The following PRDM5 variants were observed in gnomAD, a reference collection of about 807,000 sequenced individuals.
PRDM5 encodes the protein PR domain zinc finger protein 5.
Under a neutral mutation model 81.2 loss-of-function variants are expected in PRDM5, and 56 were observed. The observed-to-expected ratio is 0.69, with a 90% CI of 0.56 to 0.86. The LOEUF is 0.86. Ranked by LOEUF, PRDM5 falls within the 40% of genes least tolerant of loss-of-function variation. The probability of loss-of-function intolerance (pLI) is 0.00; values close to 1 mark genes in which losing one functional copy is unlikely to be tolerated. For missense variants in PRDM5, 697 were observed against 770.1 expected (o/e 0.91, Z 1.12); for synonymous variants, 267 against 256.4 (o/e 1.04, Z -0.39).
intron 14 of PRDM5, among the ~76,000 whole-genome samples, chr4:120,716,484 C>T (rs1320637052): frequency 6.6e-6 from 1 of 152,126 alleles, no homozygotes; most frequent in Non-Finnish European, 1.5e-5. Context: ...GAAGGCCCCA[C>T]GAGCATACTT....
At chr4:120,725,728 A>G (rs1739298724) in intron 14 of PRDM5, among the ~76,000 whole-genome samples, 1 of 152,100 alleles carries the variant, frequency 6.6e-6, no homozygotes. Context: ...CCGTTTCTAT[A>G]TTAAACAGCA....
At chr4:120,701,971 A>G (rs1299688181) in intron 15 of PRDM5, among the ~76,000 whole-genome samples, 1 of 152,154 alleles carries the variant, frequency 6.6e-6, no homozygotes, top group Non-Finnish European at 1.5e-5. Flanking sequence ...CCTCAAATAG[A>G]GGTGGTACAA....
chr4:120,737,563 C>T (rs1056839525), intron 14 of PRDM5, among the ~76,000 whole-genome samples: 5 of 152,282 alleles, frequency 3.3e-5, no homozygotes, highest in African/African-American at 1.2e-4. Context: ...TCCGTCTTTC[C>T]TGACAGACAC....
intron 2 of PRDM5, among the ~76,000 whole-genome samples, chr4:120,881,036 A>G (rs1272204634): frequency 1.3e-5 from 2 of 152,192 alleles, no homozygotes; most frequent in African/African-American, 2.4e-5. Context: ...ACACTGTACT[A>G]TAATTAAAAT....
chr4:120,803,054 A>T (rs536219029), intron 8 of PRDM5, among the ~76,000 whole-genome samples: 1 of 152,348 alleles, frequency 6.6e-6, no homozygotes, highest in East Asian at 1.9e-4. Flanking sequence ...GAACTACATG[A>T]CAAATGCACA....
chr4:120,854,486 G>A (rs1268811416), intron 2 of PRDM5, among the ~76,000 whole-genome samples: 1 of 152,060 alleles, frequency 6.6e-6, no homozygotes, highest in Admixed American at 6.6e-5. Context: ...AAGAATTCTA[G>A]ATTTCCAAAA....
intron 2 of PRDM5, among the ~76,000 whole-genome samples, chr4:120,883,414 A>G (rs905250697): frequency 6.6e-6 from 1 of 152,152 alleles, no homozygotes; most frequent in Non-Finnish European, 1.5e-5. Context: ...CTAAAAACTG[A>G]TATCAATCCA....
chr4:120,800,113 A>G (rs1436241150), intron 8 of PRDM5, among the ~76,000 whole-genome samples: 1 of 152,220 alleles, frequency 6.6e-6, no homozygotes, highest in Non-Finnish European at 1.5e-5. Flanking sequence ...TTCCCTTTAC[A>G]GTAGCCAACA....
At chr4:120,886,947 CTTT>C (rs34889092) in intron 2 of PRDM5, among the ~76,000 whole-genome samples, 3 of 142,652 alleles carry the variant, frequency 2.1e-5, no homozygotes, top group Admixed American at 7.0e-5. Flanking sequence ...TCTTCTCTTT[CTTT>C]TTTTTTTTTT....
chr4:120,805,052 A>T (rs906835397), intron 8 of PRDM5, among the ~76,000 whole-genome samples: 1 of 152,346 alleles, frequency 6.6e-6, no homozygotes, highest in East Asian at 1.9e-4. Flanking sequence ...ACGAACTACC[A>T]TCAGATAATA....
At position 120,922,530 on chromosome 4, in the gene PRDM5, G is replaced by A. The variant is rs373822101; in HGVS notation, c.79C>T (p.Arg27Cys). ...GGGTCACCCACCTTTCGCACTCTGCGGGCCGTGTAGAGCCCCATGCCGTCC... is the reference window on the plus strand; with the variant it reads ...GGGTCACCCACCTTTCGCACTCTGCAGGCCGTGTAGAGCCCCATGCCGTCC... ...VQDGMGLYTARRVRKGEKFGP... is the reference protein window; with the variant it reads ...VQDGMGLYTACRVRKGEKFGP... The change falls in exon 1 of 16, where the codon CGC becomes TGC. Residue 27 changes from arginine to cysteine, a missense_variant. Around this residue, in one of 3 missense-constraint regions of PRDM5, gnomAD observed 577 missense variants for 606.7 expected, o/e 0.95. Transcript: ENST00000264808. 2 of 1,606,808 alleles carry A rather than the reference G, an allele frequency of 1.2e-6. No individual in the cohort carries two copies. The highest frequency in any genetic ancestry group is 1.3e-5 in the African/African-American group (1 of 74,392).
At chr4:120,750,718 ACG>A (rs58170908) in intron 14 of PRDM5, among the ~76,000 whole-genome samples, 2 of 149,910 alleles carry the variant, frequency 1.3e-5, no homozygotes, top group Non-Finnish European at 3.0e-5. Context: ...ACACACACAC[ACG>A]CGCACACAAA....
At position 120,907,487 on chromosome 4, in the gene PRDM5, C is replaced by T. The variant is rs147410661; in HGVS notation, c.164G>A (p.Arg55Lys). ...PEDLDENMDYRLMWEVRGSKG... is the reference protein window; with the variant it reads ...PEDLDENMDYKLMWEVRGSKG... ...TCATATCCTCACCTCCCACATCAAC[C>T]TGTAATCCATATTTTCATCCAAGTC... The change falls in exon 2 of 16, where the codon AGG becomes AAG. Residue 55 changes from arginine (R) to lysine (K), a missense_variant. Around this residue, in one of 3 missense-constraint regions of PRDM5, gnomAD observed 577 missense variants for 606.7 expected, o/e 0.95. Coordinates refer to ENST00000264808, the MANE Select transcript of PRDM5 (RefSeq NM_018699.4). 6.2e-7 allele frequency: 1 copy of T among 1,609,040 alleles called. No individual in the cohort carries two copies. Among genetic ancestry groups the T allele is most frequent in the Non-Finnish European group, 8.5e-7 (1 of 1,175,470 alleles).
At chr4:120,770,017 T>C (rs923082863) in intron 13 of PRDM5, among the ~76,000 whole-genome samples, 2 of 123,700 alleles carry the variant, frequency 1.6e-5, no homozygotes, top group African/African-American at 6.4e-5. Context: ...TATTTATTTA[T>C]TTATTTGTTT....
intron 14 of PRDM5, among the ~76,000 whole-genome samples, chr4:120,736,438 GGC>G (rs1741143307): frequency 6.6e-6 from 1 of 152,084 alleles, no homozygotes; most frequent in Admixed American, 6.5e-5. Context: ...TGCTGGTAGT[GGC>G]CAGTAACCAG....
intron 14 of PRDM5, among the ~76,000 whole-genome samples, chr4:120,739,897 T>G (rs1741664030): frequency 6.6e-6 from 1 of 152,066 alleles, no homozygotes; most frequent in Non-Finnish European, 1.5e-5. Context: ...CTCTGCCAAG[T>G]GGGTTGATGA....
At chr4:120,876,878 G>A (rs535752104) in intron 2 of PRDM5, among the ~76,000 whole-genome samples, 15 of 152,152 alleles carry the variant, frequency 9.9e-5, no homozygotes, top group Non-Finnish European at 1.0e-4. Flanking sequence ...GTAAAATACT[G>A]ACAAAAATTT....
chr4:120,883,790 T>G (rs1763106589), intron 2 of PRDM5, among the ~76,000 whole-genome samples: 1 of 152,190 alleles, frequency 6.6e-6, no homozygotes, highest in Admixed American at 6.5e-5. Context: ...AGAAGATTAC[T>G]TAGAGAATCA....
intron 4 of PRDM5, among the ~76,000 whole-genome samples, chr4:120,819,002 C>T (rs966825935): frequency 6.6e-6 from 1 of 152,138 alleles, no homozygotes; most frequent in Admixed American, 6.6e-5. Flanking sequence ...TTATGCTACA[C>T]GGTCCCATAT....
Sources: gnomAD v4.1 joint callset for allele counts (sites outside exome capture counted in the v4.1 genomes callset) on GRCh38, gnomAD v4.1.1 for gene constraint, gnomAD v4.1.1 regional missense constraint, MANE v1.5 for transcripts, NCBI Gene and HGNC (gene_info 2026-07-23, HGNC 2026-07-21) for gene names.